The following KCNIP1 variants were observed in gnomAD, a reference collection of about 807,000 sequenced individuals.
KCNIP1 encodes the protein potassium voltage-gated channel interacting protein 1.
In KCNIP1, 18 loss-of-function variants were observed where a neutral mutation model predicts 33.0. The observed-to-expected ratio is 0.55, with a 90% CI of 0.38 to 0.81. The LOEUF is 0.81. Ranked by LOEUF, KCNIP1 falls within the 30% of genes least tolerant of loss-of-function variation. The probability of loss-of-function intolerance (pLI) is 0.00; values close to 1 mark genes in which losing one functional copy is unlikely to be tolerated. For synonymous variants in KCNIP1, 93 were observed against 98.3 expected, an observed-to-expected ratio of 0.95 and a Z score of 0.32; for missense variants, 238 against 271.6, an observed-to-expected ratio of 0.88 and a Z score of 0.87.
chr5:170,496,662 A>G (rs1011726500), intron 1 of KCNIP1, among the ~76,000 whole-genome samples: 2 of 152,162 alleles, frequency 1.3e-5, no homozygotes, highest in Admixed American at 6.5e-5. Context: ...CTGGACATTT[A>G]CCCAAGGAGA....
chr5:170,720,334 G>C lies in KCNIP1; in HGVS notation c.200G>C (p.Gly67Ala). The C allele has an allele frequency of 6.2e-7, 1 of 1,614,020 alleles. No homozygotes were observed. Among genetic ancestry groups the C allele is most frequent in the Non-Finnish European group, 8.5e-7 (1 of 1,179,902 alleles). ...YRGFKNECPS[G>A]VVNEDTFKQI... is the part of the protein sequence containing the mutation. ...CCCTTCCCACAGGAGTGCCCCAGTG[G>C]TGTGGTCAACGAAGACACATTCAAG... is the stretch of plus-strand genomic sequence containing the variant. Residue 67 changes from glycine (G) to alanine (A), a missense_variant, in exon 3 of 8, where the codon GGT becomes GCT. Physicochemically the swap from Gly to Ala is moderately conservative, Grantham distance 60 (BLOSUM62 0). Coordinates refer to ENST00000328939, the MANE Select transcript of KCNIP1 (RefSeq NM_014592.4).
chr5:170,611,802 A>G (rs1441884425), intron 1 of KCNIP1, among the ~76,000 whole-genome samples: 3 of 152,214 alleles, frequency 2.0e-5, no homozygotes, highest in Non-Finnish European at 2.9e-5. Flanking sequence ...GCCCACAGGC[A>G]GTGGGGCTGG....
intron 1 of KCNIP1, among the ~76,000 whole-genome samples, chr5:170,697,794 C>T (rs916174696): frequency 2.0e-5 from 3 of 152,158 alleles, no homozygotes; most frequent in African/African-American, 7.2e-5. Context: ...ACCCTCATCT[C>T]CTGAGAATCT....
intron 1 of KCNIP1, among the ~76,000 whole-genome samples, chr5:170,436,464 C>T (rs546090589): frequency 1.8e-4 from 27 of 152,364 alleles, no homozygotes; most frequent in African/African-American, 6.0e-4. Flanking sequence ...GGCGATCGCC[C>T]ATCCGGCTCA....
chr5:170,611,543 C>T (rs1759152869), intron 1 of KCNIP1, among the ~76,000 whole-genome samples: 1 of 152,204 alleles, frequency 6.6e-6, no homozygotes. Context: ...GTATCACATA[C>T]ATCCACTCAG....
chr5:170,477,342 A>G (rs1756880761), intron 1 of KCNIP1, among the ~76,000 whole-genome samples: 1 of 151,406 alleles, frequency 6.6e-6, no homozygotes, highest in African/African-American at 2.4e-5. Context: ...ATATACACAT[A>G]TATATTAGAA....
intron 1 of KCNIP1, among the ~76,000 whole-genome samples, chr5:170,662,153 A>G (rs1761524594): frequency 6.6e-6 from 1 of 152,166 alleles, no homozygotes; most frequent in Non-Finnish European, 1.5e-5. Context: ...ATTTTTCTAT[A>G]ACTGAACTTG....
intron 7 of KCNIP1, among the ~76,000 whole-genome samples, chr5:170,734,369 A>G (rs1764311180): frequency 1.3e-5 from 2 of 152,178 alleles, no homozygotes; most frequent in African/African-American, 4.8e-5. Context: ...GATCTGGGTC[A>G]CTTTAACACA....
chr5:170,390,517 A>AAATATATATATATATATAT lies in KCNIP1; in HGVS notation c.88+36554_88+36555insATATATATATATATATATA. ...GACCCCGTCTCAAAAAAAAAAAACA[A>AAATATATATATATATATAT]ATATATATATATATATATATATTTT... is the stretch of plus-strand genomic sequence containing the variant. On this transcript the variant is annotated intron_variant, in intron 1 of 7. Transcript: ENST00000377360. Among the ~76,000 whole-genome samples the AAATATATATATATATATAT allele has an allele frequency of 1.6e-4, 12 of 74,548 alleles. 1 individual carries two copies. The highest frequency in any genetic ancestry group is 5.1e-4 in the African/African-American group (8 of 15,622). The allele number at this position is 74,548 out of a possible 152,430, so 48.9% of individuals were successfully genotyped here.
chr5:170,393,939 T>C (rs567515435), intron 1 of KCNIP1, among the ~76,000 whole-genome samples: 7 of 152,306 alleles, frequency 4.6e-5, no homozygotes, highest in Non-Finnish European at 5.9e-5. Context: ...AAGGTTGGTT[T>C]TTTTAAAAAA....
intron 1 of KCNIP1, among the ~76,000 whole-genome samples, chr5:170,482,026 T>C (rs1177697759): frequency 6.6e-6 from 1 of 152,238 alleles, no homozygotes; most frequent in African/African-American, 2.4e-5. Flanking sequence ...TCTGCTTCCC[T>C]CTGATAAGAT....
chr5:170,464,979 C>T (rs1008855), intron 1 of KCNIP1, among the ~76,000 whole-genome samples: 10,190 of 152,252 alleles, frequency 0.067, 524 homozygotes, highest in East Asian at 0.26. Flanking sequence ...CCCATATGAT[C>T]ACTTCCACTG....
intron 1 of KCNIP1, among the ~76,000 whole-genome samples, chr5:170,526,721 T>C (rs1755585569): frequency 7.6e-6 from 1 of 132,160 alleles, no homozygotes; most frequent in Non-Finnish European, 1.5e-5. Flanking sequence ...CTGATTAGCT[T>C]TTTTTTTTTT....
intron 5 of KCNIP1, among the ~76,000 whole-genome samples, chr5:170,731,244 C>T (rs767441861): frequency 2.2e-4 from 33 of 152,228 alleles, no homozygotes; most frequent in East Asian, 3.9e-4. Context: ...CCTGATATGA[C>T]GCACTGAGAA....
At chr5:170,662,415 A>G (rs1761534835) in intron 1 of KCNIP1, among the ~76,000 whole-genome samples, 1 of 152,150 alleles carries the variant, frequency 6.6e-6, no homozygotes, top group South Asian at 2.1e-4. Context: ...CCACCAAAGC[A>G]TCCATTTCTT....
At chr5:170,369,228 T>C (rs572525011) in intron 1 of KCNIP1, among the ~76,000 whole-genome samples, 1 of 152,350 alleles carries the variant, frequency 6.6e-6, no homozygotes, top group South Asian at 2.1e-4. Context: ...AAGACTCAGA[T>C]TCTTCATCAG....
intron 1 of KCNIP1, among the ~76,000 whole-genome samples, chr5:170,627,336 A>T (rs1759871731): frequency 6.6e-6 from 1 of 152,202 alleles, no homozygotes; most frequent in African/African-American, 2.4e-5. Flanking sequence ...GGCTCTTTCA[A>T]TGAGATGTCC....
At chr5:170,599,304 C>T (rs1003614805) in intron 1 of KCNIP1, among the ~76,000 whole-genome samples, 42 of 152,234 alleles carry the variant, frequency 2.8e-4, no homozygotes, top group Middle Eastern at 3.4e-3. Context: ...CCGCAGCACA[C>T]CGTGCATCCC....
At chr5:170,385,644 T>C (rs936531568) in intron 1 of KCNIP1, among the ~76,000 whole-genome samples, 2 of 152,084 alleles carry the variant, frequency 1.3e-5, no homozygotes, top group African/African-American at 4.8e-5. Context: ...AAGCCTTCCC[T>C]GTGCAATTGA....
Sources: gnomAD v4.1 joint callset for allele counts (sites outside exome capture counted in the v4.1 genomes callset) on GRCh38, gnomAD v4.1.1 for gene constraint, MANE v1.5 for transcripts, NCBI Gene and HGNC (gene_info 2026-07-23, HGNC 2026-07-21) for gene names.